Variants in SLC35F4 observed in about 807,000 individuals in gnomAD.
SLC35F4 encodes the protein chromosome 14 open reading frame 36.
In SLC35F4, 24 loss-of-function variants were observed where a neutral mutation model predicts 44.2. The observed-to-expected ratio is 0.54, with a 90% confidence interval of 0.39 to 0.76. The LOEUF (loss-of-function observed/expected upper bound fraction) is 0.76. Among genes scored for constraint, SLC35F4 ranks in the 30% least tolerant of loss-of-function variants. The pLI is 0.00. For synonymous variants in SLC35F4, 238 were observed against 223.6 expected (o/e 1.06, Z -0.57); for missense variants, 562 against 586.1 (o/e 0.96, Z 0.42).
chr14:57,827,122 T>C (rs191603906), intron 1 of SLC35F4, among the ~76,000 whole-genome samples: 7 of 152,170 alleles, frequency 4.6e-5, no homozygotes, highest in African/African-American at 1.4e-4. Flanking sequence ...TGCCCATCAA[T>C]AATAGACTGG....
At chr14:57,761,703 G>A (rs934665555) in intron 1 of SLC35F4, among the ~76,000 whole-genome samples, 2 of 152,072 alleles carry the variant, frequency 1.3e-5, no homozygotes, top group Non-Finnish European at 2.9e-5. Context: ...TTCTTAACCA[G>A]AGACTAAAGG....
intron 1 of SLC35F4, among the ~76,000 whole-genome samples, chr14:57,603,210 TTGTC>T (rs1392027897): frequency 6.6e-6 from 1 of 152,214 alleles, no homozygotes; most frequent in Non-Finnish European, 1.5e-5. Flanking sequence ...TGCATTAAAG[TTGTC>T]TTTGTGTGTG....
chr14:57,580,295 G>A (rs1253850038), intron 4 of SLC35F4: 2 of 158,986 alleles, frequency 1.3e-5, no homozygotes, highest in Non-Finnish European at 2.8e-5. Context: ...ATTTGGGAGG[G>A]GGAAAGGACC....
chr14:57,589,928 C>T (rs928204829), intron 2 of SLC35F4, among the ~76,000 whole-genome samples: 1 of 152,196 alleles, frequency 6.6e-6, no homozygotes, highest in East Asian at 1.9e-4. Context: ...CCTACCAGCT[C>T]TCTTGCTCTT....
chr14:57,786,735 G>A (rs4898951), intron 1 of SLC35F4, among the ~76,000 whole-genome samples: 10,819 of 152,150 alleles, frequency 0.071, 671 homozygotes, highest in East Asian at 0.19. Flanking sequence ...TACATCAAGG[G>A]AACATTCCAT....
intron 1 of SLC35F4, among the ~76,000 whole-genome samples, chr14:57,815,305 T>C (rs1485999714): frequency 6.6e-6 from 1 of 152,234 alleles, no homozygotes; most frequent in East Asian, 1.9e-4. Context: ...ATTTGTGTAA[T>C]TGACTCCTTG....
chr14:57,976,402 C>T (rs555852982), downstream of SLC35F4, among the ~76,000 whole-genome samples: 6 of 152,272 alleles, frequency 3.9e-5, no homozygotes, highest in Non-Finnish European at 8.8e-5. Flanking sequence ...AGAACATTCA[C>T]ATTGATTTCC....
At chr14:57,968,717 G>T (rs913588810) in intron 1 of SLC35F4, among the ~76,000 whole-genome samples, 1 of 152,160 alleles carries the variant, frequency 6.6e-6, no homozygotes, top group Non-Finnish European at 1.5e-5. Flanking sequence ...GGCGTGGGGG[G>T]TGTTCAATGT....
chr14:57,870,034 C>T (rs1247982927), upstream of SLC35F4, among the ~76,000 whole-genome samples: 1 of 152,104 alleles, frequency 6.6e-6, no homozygotes, highest in East Asian at 1.9e-4. Flanking sequence ...AATTTTGAGG[C>T]TCAACTCTTT....
chr14:57,646,847 A>G (rs991296014), intron 1 of SLC35F4, among the ~76,000 whole-genome samples: 15 of 152,210 alleles, frequency 9.9e-5, no homozygotes, highest in Admixed American at 6.5e-5. Flanking sequence ...ATTTCAAAGA[A>G]CATCTTTATT....
At chr14:57,888,383 T>G (rs1426581170) in intron 1 of SLC35F4, among the ~76,000 whole-genome samples, 3 of 152,206 alleles carry the variant, frequency 2.0e-5, no homozygotes, top group Admixed American at 6.5e-5. Context: ...GTTGGGAATA[T>G]CGTAGTAGAA....
At chr14:57,953,087 C>G (rs1004154448) in intron 1 of SLC35F4, among the ~76,000 whole-genome samples, 11 of 152,220 alleles carry the variant, frequency 7.2e-5, no homozygotes, top group African/African-American at 2.7e-4. Context: ...AATAGTGGAT[C>G]TCTCTGCAGA....
intron 1 of SLC35F4, among the ~76,000 whole-genome samples, chr14:57,848,882 T>C (rs1303524135): frequency 2.0e-5 from 3 of 152,180 alleles, no homozygotes. Flanking sequence ...TACTTCATAT[T>C]GTCCCCGTGG....
chr14:57,643,724 C>A (rs113469438), intron 1 of SLC35F4, among the ~76,000 whole-genome samples: 5 of 152,050 alleles, frequency 3.3e-5, no homozygotes, highest in Non-Finnish European at 7.4e-5. Context: ...CCATTAACTC[C>A]TCATTTAGCA....
At chr14:57,883,160 C>T (rs886194753) in intron 1 of SLC35F4, among the ~76,000 whole-genome samples, 25 of 152,026 alleles carry the variant, frequency 1.6e-4, no homozygotes, top group African/African-American at 5.8e-4. Flanking sequence ...TAAAGCAAAG[C>T]CTGGTATAGA....
chr14:57,831,840 C>A (rs1884401863), intron 1 of SLC35F4, among the ~76,000 whole-genome samples: 1 of 152,104 alleles, frequency 6.6e-6, no homozygotes, highest in South Asian at 2.1e-4. Flanking sequence ...GTGAAAAACC[C>A]TACTGTGATT....
chr14:57,979,133 C>A (rs1040290383), intron 1 of SLC35F4, among the ~76,000 whole-genome samples: 1 of 152,170 alleles, frequency 6.6e-6, no homozygotes, highest in Non-Finnish European at 1.5e-5. Flanking sequence ...AGGCAAGCAA[C>A]CTATAACAAT....
chr14:57,732,947 A>G (rs530053482), intron 1 of SLC35F4, among the ~76,000 whole-genome samples: 1 of 152,128 alleles, frequency 6.6e-6, no homozygotes, highest in African/African-American at 2.4e-5. Context: ...AAAGTGCTAA[A>G]GTTTTTGAAG....
intron 1 of SLC35F4, among the ~76,000 whole-genome samples, chr14:57,713,893 T>C (rs1031030925): frequency 4.6e-5 from 7 of 152,208 alleles, no homozygotes; most frequent in African/African-American, 1.4e-4. Flanking sequence ...ACTGCTGTTG[T>C]TGTAGCCCTA....
Sources: allele counts gnomAD v4.1 joint callset (sites outside exome capture counted in the v4.1 genomes callset), GRCh38; gene constraint gnomAD v4.1.1; transcripts MANE v1.5; gene names NCBI Gene and HGNC (gene_info 2026-07-23, HGNC 2026-07-21).